The following C2CD2 variants were observed in gnomAD, a reference collection of about 807,000 sequenced individuals.
C2CD2 encodes C2 calcium dependent domain containing 2.
A neutral mutation model predicts 74.3 loss-of-function variants in C2CD2; 43 were observed. The observed-to-expected ratio is 0.58, with a 90% CI of 0.45 to 0.75. C2CD2 has a LOEUF of 0.75. Among genes scored for constraint, C2CD2 ranks in the 30% least tolerant of loss-of-function variants. The pLI is 0.00. For synonymous variants in C2CD2, 422 were observed against 390.7 expected (o/e 1.08, Z -0.94); for missense variants, 801 against 916.3 (o/e 0.87, Z 1.63).
At chr21:41,905,891 C>T (rs1241941596) in intron 10 of C2CD2, 54 bp from the exon 11 acceptor site, 3 of 970,748 alleles carry the variant, frequency 3.1e-6, no homozygotes, top group Non-Finnish European at 5.0e-6. Flanking sequence ...ACTGGATCAA[C>T]AGTTACCGAA....
At chr21:41,898,788 A>G (rs2064853944) in intron 13 of C2CD2, among the ~76,000 whole-genome samples, 1 of 152,184 alleles carries the variant, frequency 6.6e-6, no homozygotes, top group Non-Finnish European at 1.5e-5. Flanking sequence ...GAGCAAGCCC[A>G]GACTGAGGAA....
At chr21:41,921,680 TATC>T (rs1322695328) in intron 3 of C2CD2, among the ~76,000 whole-genome samples, 1 of 152,186 alleles carries the variant, frequency 6.6e-6, no homozygotes, top group Non-Finnish European at 1.5e-5. Context: ...CCACCTGCCT[TATC>T]ATATCCGTCA....
intron 6 of C2CD2, among the ~76,000 whole-genome samples, chr21:41,913,179 C>T (rs1453440411): frequency 6.7e-6 from 1 of 150,092 alleles, no homozygotes; most frequent in African/African-American, 2.4e-5. Flanking sequence ...ACAGAGTTCC[C>T]ATTTCCCGAC....
intron 2 of C2CD2, among the ~76,000 whole-genome samples, chr21:41,934,757 C>G (rs1001878784): frequency 1.3e-5 from 2 of 152,142 alleles, no homozygotes; most frequent in Non-Finnish European, 2.9e-5. Context: ...TCTACCTTTA[C>G]AGGTGAGAAG....
intron 1 of C2CD2, among the ~76,000 whole-genome samples, chr21:41,950,391 C>T (rs138107051): frequency 1.3e-5 from 2 of 152,326 alleles, no homozygotes; most frequent in African/African-American, 4.8e-5. Flanking sequence ...CAGTGCAAAT[C>T]ACTGTCACAT....
intron 1 of C2CD2, among the ~76,000 whole-genome samples, chr21:41,944,568 C>T (rs2065383848): frequency 7.0e-6 from 1 of 143,604 alleles, no homozygotes; most frequent in Non-Finnish European, 1.5e-5. Context: ...TGCTGGAAAA[C>T]TTAAGGTCAA....
chr21:41,929,530 G>A lies in C2CD2; in HGVS notation c.379-7445C>T, dbSNP rs1009418972. ...CCCTAAACGAGCCCAGATCCAATCAGGGTCTCCCTGGCTTCTGAGATGGGC... is the reference window on the plus strand; with the variant it reads ...CCCTAAACGAGCCCAGATCCAATCAAGGTCTCCCTGGCTTCTGAGATGGGC... On this transcript the variant is annotated intron_variant, in intron 2 of 13. Transcript: ENST00000380486. This position sits in a 1 kb window ranked among gnomAD's most constrained non-coding sequence, Gnocchi z 4.6. Among the ~76,000 whole-genome samples the A allele has an allele frequency of 6.6e-6, 1 of 152,210 alleles. No homozygotes were observed. The highest frequency in any genetic ancestry group is 2.4e-5 in the African/African-American group (1 of 41,458).
At chr21:41,916,828 C>T (rs1432557126) in intron 5 of C2CD2, among the ~76,000 whole-genome samples, 3 of 152,134 alleles carry the variant, frequency 2.0e-5, no homozygotes, top group South Asian at 2.1e-4. Context: ...CGTCTGGGTC[C>T]TATTAAATTC....
At chr21:41,915,570 G>T (rs755642160) in intron 5 of C2CD2, among the ~76,000 whole-genome samples, 1 of 151,996 alleles carries the variant, frequency 6.6e-6, no homozygotes. Context: ...CTGAGTAGCT[G>T]GGATTACAGG....
chr21:41,908,956 C>G (rs549314756), intron 8 of C2CD2, among the ~76,000 whole-genome samples: 36 of 152,022 alleles, frequency 2.4e-4, no homozygotes, highest in South Asian at 1.5e-3. Flanking sequence ...CAAGGAAAAA[C>G]CCAGTGAAAT....
In C2CD2 at chr21:41,903,393, T is replaced by C. The variant is rs932547226; in HGVS notation, c.1433-1644A>G. 7.2e-5 allele frequency among the ~76,000 whole-genome samples: 11 copies of C among 152,170 alleles called. No homozygotes were observed. The highest frequency in any genetic ancestry group is 2.0e-4 in the Admixed American group (3 of 15,278). On this transcript the variant is annotated intron_variant, in intron 11 of 13. Coordinates refer to ENST00000380486, the MANE Select transcript of C2CD2 (RefSeq NM_015500.2). This position sits in a 1 kb window ranked among gnomAD's most constrained non-coding sequence, Gnocchi z 4.5. ...CATCTAAAGTGGAAGGGTGGTTTTG[T>C]GGGGCTGAGCCTTTCACCTGTGGGA... is the stretch of plus-strand genomic sequence containing the variant.
At position 41,886,104 on chromosome 21, in the gene C2CD2, G is replaced by A. The variant is rs1482950995; in HGVS notation, c.*3020C>T. 2 of 152,132 alleles carry A rather than the reference G, an allele frequency of 1.3e-5. No individual in the cohort carries two copies. The highest frequency in any genetic ancestry group is 2.9e-5 in the Non-Finnish European group (2 of 68,032). The allele number at this position is 152,132 out of a possible 1,614,324, so 9.4% of individuals were successfully genotyped here. On this transcript the variant is annotated 3_prime_UTR_variant, in exon 14 of 14. Transcript: ENST00000380486. ...AGGCACCTCCTTAAACAAAGCAAAC[G>A]GGGAAGGGTTGCAAGCTCATTAAAA...
chr21:41,901,816 G>A, intron 11 of C2CD2, 67 bp from the exon 12 acceptor site: 1 of 1,409,622 alleles, frequency 7.1e-7, no homozygotes, highest in Non-Finnish European at 1.0e-6. Flanking sequence ...AACTTCCAGG[G>A]ATAATGGAAA....
At chr21:41,947,002 A>G (rs1170475332) in intron 1 of C2CD2, among the ~76,000 whole-genome samples, 1 of 152,142 alleles carries the variant, frequency 6.6e-6, no homozygotes, top group Non-Finnish European at 1.5e-5. Context: ...CCCTAGAACA[A>G]TACAAGGAGA....
At position 41,926,703 on chromosome 21, in the gene C2CD2, T is replaced by C. The variant is rs2065217274; in HGVS notation, c.379-4618A>G. On this transcript the variant is annotated intron_variant, in intron 2 of 13. Transcript: ENST00000380486. This position sits in a 1 kb window ranked among gnomAD's most constrained non-coding sequence, Gnocchi z 8.0. ...GCCCCTGAGTCTTCAGATCTCACTG[T>C]GCCCTTTCACTTTCCTTTTCAATTA... 1 of 819,200 alleles carries C rather than the reference T, an allele frequency of 1.2e-6. No homozygotes were observed. Among genetic ancestry groups the C allele is most frequent in the African/African-American group, 1.8e-5 (1 of 54,072 alleles). 50.7% of individuals were successfully genotyped at this position (819,200 alleles called of 1,614,324 possible).
chr21:41,938,130 A>T (rs1162642888), intron 2 of C2CD2, among the ~76,000 whole-genome samples: 1 of 152,096 alleles, frequency 6.6e-6, no homozygotes, highest in Non-Finnish European at 1.5e-5. Flanking sequence ...TAAGTATGTG[A>T]CATCATCTGT....
chr21:41,918,356 G>C, intron 4 of C2CD2, 129 bp from the exon 5 acceptor site: 1 of 1,053,800 alleles, frequency 9.5e-7, no homozygotes, highest in Non-Finnish European at 1.3e-6. Context: ...TTTTAGCTCT[G>C]TCTTTGCAAA....
rs533150473 is a variant in C2CD2 at position 41,901,256 on chromosome 21, T to C, written c.1560+366A>G. 2.1e-5 allele frequency: 7 copies of C among 336,490 alleles called. No homozygotes were observed. The East Asian group carries it at 5.0e-4, about 24-fold the overall frequency. 20.8% of individuals were successfully genotyped at this position (336,490 alleles called of 1,614,324 possible). Reference sequence around the variant, plus strand: ...AAAAAAGTAAAAGGCTTTGGAAACGTGTCACGTGGAAAGTGAAAGTTCCCC... The same window carrying C: ...AAAAAAGTAAAAGGCTTTGGAAACGCGTCACGTGGAAAGTGAAAGTTCCCC... On this transcript the variant is annotated intron_variant, in intron 12 of 13. Transcript: ENST00000380486.
chr21:41,899,129 C>T lies in C2CD2; in HGVS notation c.1794G>A (p.Leu598=), dbSNP rs758155956. 1 of 1,613,848 alleles carries T rather than the reference C, an allele frequency of 6.2e-7. No homozygotes were observed. The highest frequency in any genetic ancestry group is 1.7e-5 in the Admixed American group (1 of 60,002). Residue 598 remains leucine, a synonymous_variant, in exon 13 of 14, where the codon CTG becomes CTA. Transcript: ENST00000380486. The surrounding 1 kb of genome is among the most constrained non-coding windows in gnomAD (Gnocchi z 4.4). The part of the protein sequence containing the change: ...PQAAAWSSQV[L]LDPDGDELSE... ...ACAGCTCATCACCGTCGGGGTCCAG[C>T]AGGACCTGGCTGCTCCATGCCGCGG...
Sources: gnomAD v4.1 joint callset for allele counts (sites outside exome capture counted in the v4.1 genomes callset) on GRCh38, gnomAD v4.1.1 for gene constraint, Gnocchi (gnomAD v3.1) non-coding constraint, MANE v1.5 for transcripts, NCBI Gene and HGNC (gene_info 2026-07-23, HGNC 2026-07-21) for gene names.